TBC1D15: variants seen among roughly 807,000 people sequenced by gnomAD.
The protein encoded by TBC1D15 is GAP for RAB7.
In TBC1D15, 39 loss-of-function variants were observed where a neutral mutation model predicts 95.4. The observed-to-expected ratio is 0.41, with a 90% CI of 0.32 to 0.53. The LOEUF (loss-of-function observed/expected upper bound fraction) is 0.53, where lower values mean the gene tolerates loss of function less well. Ranked by LOEUF, TBC1D15 falls within the 20% of genes least tolerant of loss-of-function variation. The probability of loss-of-function intolerance (pLI) is 0.29; values close to 1 mark genes in which losing one functional copy is unlikely to be tolerated. For synonymous variants in TBC1D15, 258 were observed against 261.3 expected (o/e 0.99, Z 0.12); for missense variants, 733 against 794.3 (o/e 0.92, Z 0.93).
chr12:71,915,841 T>C (rs1903586499), intron 12 of TBC1D15, among the ~76,000 whole-genome samples: 1 of 152,172 alleles, frequency 6.6e-6, no homozygotes, highest in South Asian at 2.1e-4. Flanking sequence ...GAGGGAAATA[T>C]ATGGCAATCA....
intron 1 of TBC1D15, among the ~76,000 whole-genome samples, chr12:71,851,281 C>T (rs328774): frequency 0.028 from 4,184 of 152,110 alleles, 185 homozygotes; most frequent in African/African-American, 0.092. Context: ...GGTGTTAAAC[C>T]GTGAGAAACC....
chr12:71,856,018 T>G (rs1373240928), intron 1 of TBC1D15, among the ~76,000 whole-genome samples: 2 of 152,294 alleles, frequency 1.3e-5, no homozygotes, highest in East Asian at 1.9e-4. Flanking sequence ...TTTAAAAGAT[T>G]GGACCATACA....
At chr12:71,861,550 A>G in intron 1 of TBC1D15, 2 of 1,414,014 alleles carry the variant, frequency 1.4e-6, no homozygotes, top group East Asian at 5.4e-5. Context: ...TTTAATGTAT[A>G]GTTTTTAAAT....
In TBC1D15 at chr12:71,901,822, A is replaced by C. The variant is rs145901386; in HGVS notation, c.1183+3881A>C. The stretch of plus-strand genomic sequence containing the variant: ...TCACCCTCTCTTCACAGGCAATATG[A>C]CACTATACCTAGAAAACCCCATAGT... On this transcript the variant is annotated intron_variant, in intron 10 of 16. Transcript: ENST00000485960. 5.7e-3 allele frequency among the ~76,000 whole-genome samples: 873 copies of C among 152,232 alleles called. 9 individuals are homozygous for C. The highest frequency in any genetic ancestry group is 0.02 in the African/African-American group (840 of 41,520).
intron 11 of TBC1D15, among the ~76,000 whole-genome samples, chr12:71,909,708 AT>A (rs1231754559): frequency 2.0e-5 from 3 of 152,072 alleles, no homozygotes; most frequent in Non-Finnish European, 2.9e-5. Context: ...GTACAGTAGG[AT>A]GATAAGGTGT....
At chr12:71,917,869 T>C (rs894620765) in intron 13 of TBC1D15, 72 bp downstream of exon 13, 112 of 1,040,800 alleles carry the variant, frequency 1.1e-4, no homozygotes, top group Non-Finnish European at 1.5e-4. Context: ...TAAAGAACTC[T>C]TTAAAGAAGC....
At chr12:71,865,660 G>C (rs1891330852) in intron 1 of TBC1D15, among the ~76,000 whole-genome samples, 1 of 152,074 alleles carries the variant, frequency 6.6e-6, no homozygotes, top group Non-Finnish European at 1.5e-5. Flanking sequence ...CTTAGACTCT[G>C]GAGTGCTAAT....
rs570496729 is a variant in TBC1D15, at chr12:71,875,945, G to A, written c.204+2942G>A. Among the ~76,000 whole-genome samples, 57 of 151,914 alleles carry A rather than the reference G, an allele frequency of 3.8e-4. 1 individual carries two copies. Among genetic ancestry groups the A allele is most frequent in the Non-Finnish European group, 7.1e-4 (48 of 67,950 alleles). ...CTCGAGTAGCTGGGACTACAGGCGCGCACGTCACCACACCTGGCTAATTTT... is the reference window on the plus strand; with the variant it reads ...CTCGAGTAGCTGGGACTACAGGCGCACACGTCACCACACCTGGCTAATTTT... On this transcript the variant is annotated intron_variant, in intron 3 of 16. Coordinates refer to ENST00000485960, the MANE Select transcript of TBC1D15 (RefSeq NM_001146213.3).
chr12:71,878,765 C>T (rs1894511230), intron 3 of TBC1D15, among the ~76,000 whole-genome samples: 1 of 151,614 alleles, frequency 6.6e-6, no homozygotes, highest in Admixed American at 6.6e-5. Flanking sequence ...GATCCACCTG[C>T]CTTGGCCTCC....
At chr12:71,871,906 G>A (rs1312980109) in intron 1 of TBC1D15, among the ~76,000 whole-genome samples, 164 bp from the exon 2 acceptor site, 1 of 152,184 alleles carries the variant, frequency 6.6e-6, no homozygotes, top group East Asian at 1.9e-4. Context: ...TTGCTTGATT[G>A]AAGTGCTGTT....
chr12:71,920,460 A>T (rs184429990), intron 14 of TBC1D15, among the ~76,000 whole-genome samples: 1 of 152,182 alleles, frequency 6.6e-6, no homozygotes, highest in African/African-American at 2.4e-5. Context: ...AACATTTATC[A>T]TACTGGTTAG....
At chr12:71,895,598 C>G (rs1898015470) in intron 7 of TBC1D15, among the ~76,000 whole-genome samples, 1 of 151,970 alleles carries the variant, frequency 6.6e-6, no homozygotes, top group Non-Finnish European at 1.5e-5. Context: ...TTAAATAATA[C>G]AGCATATCAT....
At chr12:71,867,603 A>G (rs1891762024) in intron 1 of TBC1D15, among the ~76,000 whole-genome samples, 2 of 152,206 alleles carry the variant, frequency 1.3e-5, no homozygotes, top group Admixed American at 1.3e-4. Flanking sequence ...CTGGTGGAGG[A>G]TCCCCACTCC....
chr12:71,879,945 T>A (rs1479322828), intron 3 of TBC1D15, among the ~76,000 whole-genome samples: 1 of 152,190 alleles, frequency 6.6e-6, no homozygotes, highest in Non-Finnish European at 1.5e-5. Flanking sequence ...AGACTTTTGG[T>A]TTTATTATCT....
At chr12:71,855,422 A>G (rs1215677250) in intron 1 of TBC1D15, among the ~76,000 whole-genome samples, 1 of 152,162 alleles carries the variant, frequency 6.6e-6, no homozygotes, top group Non-Finnish European at 1.5e-5. Flanking sequence ...GCAAACTTGT[A>G]ATCACAGCTT....
intron 1 of TBC1D15, among the ~76,000 whole-genome samples, chr12:71,859,669 G>A (rs534668822): frequency 2.6e-5 from 4 of 151,634 alleles, no homozygotes; most frequent in Non-Finnish European, 4.4e-5. Flanking sequence ...GTGTAGTGGC[G>A]TGATCTCAAC....
chr12:71,907,231 G>A, intron 11 of TBC1D15, 93 bp downstream of exon 11: 1 of 676,640 alleles, frequency 1.5e-6, no homozygotes, highest in African/African-American at 1.8e-5. Context: ...TAATAGCTTT[G>A]TAGGCCTAGT....
At chr12:71,851,964 C>T (rs1887935572) in intron 1 of TBC1D15, among the ~76,000 whole-genome samples, 1 of 152,218 alleles carries the variant, frequency 6.6e-6, no homozygotes, top group Non-Finnish European at 1.5e-5. Flanking sequence ...TGTGGAGGCA[C>T]CGATACTACA....
chr12:71,894,833 G>A lies in TBC1D15; in HGVS notation c.805G>A (p.Gly269Ser). 6.2e-7 allele frequency: 1 copy of A among 1,612,944 alleles called. No individual in the cohort carries two copies. Among genetic ancestry groups the A allele is most frequent in the African/African-American group, 1.3e-5 (1 of 74,944 alleles). ...AGATTTTCTTAGTGATGCTATTCCAGGTCTAAAGATAAATCAACAAGAAGA... is the reference window on the plus strand; with the variant it reads ...AGATTTTCTTAGTGATGCTATTCCAAGTCTAAAGATAAATCAACAAGAAGA... ...MADFLSDAIP[G>S]LKINQQEEPG... is the part of the protein sequence containing the mutation. The change falls in exon 7 of 17, where the codon GGT (glycine) becomes AGT (serine). Residue 269 changes from glycine to serine, a missense_variant. By Grantham distance (56) the Gly-to-Ser change is moderately conservative. Coordinates refer to ENST00000485960, the MANE Select transcript of TBC1D15 (RefSeq NM_001146213.3).
Sources: allele counts gnomAD v4.1 joint callset (sites outside exome capture counted in the v4.1 genomes callset), GRCh38; gene constraint gnomAD v4.1.1; transcripts MANE v1.5; gene names NCBI Gene and HGNC (gene_info 2026-07-23, HGNC 2026-07-21).